RMST: variants seen among roughly 807,000 people sequenced by gnomAD.
The protein encoded by RMST is long intergenic non-protein coding RNA 54.
intron 5 of RMST, among the ~76,000 whole-genome samples, chr12:97,484,943 C>T (rs1485234144): frequency 6.6e-6 from 1 of 152,162 alleles, no homozygotes; most frequent in Non-Finnish European, 1.5e-5. Flanking sequence ...CCTGGTGCAT[C>T]AGGGTCAGAC....
intron 10 of RMST, among the ~76,000 whole-genome samples, chr12:97,509,854 GACATCAGGGA>G (rs1478720823): frequency 3.9e-5 from 6 of 152,130 alleles, no homozygotes; most frequent in Non-Finnish European, 7.4e-5. Flanking sequence ...GGGTGATGGT[GACATCAGGGA>G]ACCCAATACT....
chr12:97,535,065 A>T (rs998913134), intron 11 of RMST, among the ~76,000 whole-genome samples: 1 of 151,642 alleles, frequency 6.6e-6, no homozygotes, highest in Admixed American at 6.6e-5. Flanking sequence ...AGTCACATGA[A>T]TTTTTCAAGA....
intron 10 of RMST, among the ~76,000 whole-genome samples, chr12:97,507,113 A>T (rs1240448854): frequency 6.6e-6 from 1 of 152,156 alleles, no homozygotes; most frequent in Non-Finnish European, 1.5e-5. Flanking sequence ...AGTTAGAAAG[A>T]TGTGATGAGA....
chr12:97,511,452 C>A (rs1410014809), intron 10 of RMST, among the ~76,000 whole-genome samples: 1 of 152,164 alleles, frequency 6.6e-6, no homozygotes, highest in Non-Finnish European at 1.5e-5. Context: ...TTTATTAGAG[C>A]AAATACAAAT....
chr12:97,477,945 G>C lies in RMST; in HGVS notation n.644+12218G>C, dbSNP rs1197102627. Among the ~76,000 whole-genome samples the C allele has an allele frequency of 2.6e-5, 4 of 152,314 alleles. No individual in the cohort carries two copies. The East Asian group carries it at 7.7e-4, about 29-fold the overall frequency. ...AATCTGTGTGGTAAAGAAATCCGTA[G>C]ACTTGGTATGACTGAATGTCAGGTT... On this transcript the variant is annotated intron_variant and non_coding_transcript_variant, in intron 5 of 13. Transcript: ENST00000640149.
At chr12:97,487,414 G>T (rs1330258203) in intron 5 of RMST, among the ~76,000 whole-genome samples, 1 of 152,026 alleles carries the variant, frequency 6.6e-6, no homozygotes, top group Non-Finnish European at 1.5e-5. Flanking sequence ...CAAAACTTAA[G>T]TTAAAAGATC....
intron 11 of RMST, among the ~76,000 whole-genome samples, chr12:97,543,571 G>A (rs1036804169): frequency 2.0e-5 from 3 of 151,972 alleles, no homozygotes; most frequent in Non-Finnish European, 4.4e-5. Flanking sequence ...ATAATATGGA[G>A]GTTTTCTTTT....
intron 4 of RMST, among the ~76,000 whole-genome samples, chr12:97,465,485 G>T (rs147573882): frequency 3.3e-5 from 5 of 152,262 alleles, no homozygotes; most frequent in African/African-American, 1.2e-4. Flanking sequence ...CTTAAAAACG[G>T]CTAATTGATG....
chr12:97,511,607 G>A (rs896483112), intron 10 of RMST, among the ~76,000 whole-genome samples: 2 of 152,144 alleles, frequency 1.3e-5, no homozygotes, highest in Non-Finnish European at 2.9e-5. Flanking sequence ...CCTGGCCCTG[G>A]AATTTACTTT....
At chr12:97,547,072 T>C (rs1882991953) in intron 11 of RMST, among the ~76,000 whole-genome samples, 1 of 151,742 alleles carries the variant, frequency 6.6e-6, no homozygotes, top group Admixed American at 6.6e-5. Flanking sequence ...CCTGGCTTAT[T>C]TCACTTATTT....
intron 5 of RMST, among the ~76,000 whole-genome samples, chr12:97,490,904 C>G (rs1477962876): frequency 1.3e-5 from 2 of 152,172 alleles, no homozygotes; most frequent in African/African-American, 4.8e-5. Flanking sequence ...TGACTGAACA[C>G]TTATCTTGAA....
At chr12:97,534,721 C>A (rs77946133) in intron 11 of RMST, among the ~76,000 whole-genome samples, 1,814 of 151,816 alleles carry the variant, frequency 0.012, 32 homozygotes, top group East Asian at 0.054. Flanking sequence ...TCCACCTAAT[C>A]CACCCAGTCC....
chr12:97,483,870 G>A (rs917602368), intron 5 of RMST, among the ~76,000 whole-genome samples: 1 of 152,016 alleles, frequency 6.6e-6, no homozygotes, highest in Admixed American at 6.5e-5. Context: ...ATTGCTTTTC[G>A]ACCTAATGTA....
At chr12:97,551,592 G>A (rs1883316595) in intron 11 of RMST, among the ~76,000 whole-genome samples, 1 of 152,212 alleles carries the variant, frequency 6.6e-6, no homozygotes, top group Non-Finnish European at 1.5e-5. Context: ...CATGCGAGAA[G>A]TGTACGTTAA....
At chr12:97,474,807 C>T (rs1874354470) in intron 5 of RMST, among the ~76,000 whole-genome samples, 1 of 151,984 alleles carries the variant, frequency 6.6e-6, no homozygotes, top group African/African-American at 2.4e-5. Context: ...TCATAATGTC[C>T]AATGTCTTCT....
intron 5 of RMST, among the ~76,000 whole-genome samples, chr12:97,470,529 A>G (rs1307931930): frequency 6.6e-6 from 1 of 152,022 alleles, no homozygotes; most frequent in Non-Finnish European, 1.5e-5. Flanking sequence ...AAGGCCTTTA[A>G]AGATCTTTAA....
chr12:97,520,007 C>T (rs1420341), intron 10 of RMST, among the ~76,000 whole-genome samples: 128,762 of 152,164 alleles, frequency 0.85, 55,140 homozygotes, highest in African/African-American at 0.97. Flanking sequence ...TTTTAAGGAA[C>T]AGGAAATTTT....
At chr12:97,529,673 T>G (rs1172719748) in intron 10 of RMST, among the ~76,000 whole-genome samples, 1 of 152,130 alleles carries the variant, frequency 6.6e-6, no homozygotes, top group Non-Finnish European at 1.5e-5. Flanking sequence ...ACCATGTAGA[T>G]CAAGCCCTTT....
At chr12:97,482,687 AT>A (rs1333071210) in intron 5 of RMST, among the ~76,000 whole-genome samples, 3 of 96,664 alleles carry the variant, frequency 3.1e-5, no homozygotes, top group Non-Finnish European at 5.8e-5. Context: ...TAATTTATTT[AT>A]TATTTATTTA....
Sources: gnomAD v4.1 joint callset for allele counts (sites outside exome capture counted in the v4.1 genomes callset) on GRCh38, gnomAD v4.1.1 for gene constraint, MANE v1.5 for transcripts, NCBI Gene and HGNC (gene_info 2026-07-23, HGNC 2026-07-21) for gene names.